Variants in CCDC88C observed in about 807,000 individuals in gnomAD.
CCDC88C encodes the protein protein Daple.
Under a neutral mutation model 198.8 loss-of-function variants are expected in CCDC88C, and 131 were observed. The observed-to-expected ratio is 0.66, with a 90% CI of 0.57 to 0.76. CCDC88C has a LOEUF of 0.76. CCDC88C is among the 30% of genes least tolerant of loss of function. CCDC88C has a pLI of 0.00. For synonymous variants in CCDC88C, 1,166 were observed against 1,114.7 expected, an observed-to-expected ratio of 1.05 and a Z score of -0.92; for missense variants, 2,553 against 2,631.6, an observed-to-expected ratio of 0.97 and a Z score of 0.65.
intron 10 of CCDC88C, among the ~76,000 whole-genome samples, chr14:91,335,538 C>T (rs1170167880): frequency 1.3e-5 from 2 of 152,162 alleles, no homozygotes. Flanking sequence ...ACCCCCTGGC[C>T]CCAGCCATGT....
rs1891233084 is a variant in CCDC88C at position 91,300,640 on chromosome 14, C to CA, written c.3636-571dup. Among the ~76,000 whole-genome samples the CA allele has an allele frequency of 2.6e-5, 4 of 152,296 alleles. No individual in the cohort carries two copies. In the South Asian group the frequency reaches 8.3e-4, roughly 32 times the overall value. On this transcript the variant is annotated intron_variant, in intron 20 of 29. Transcript: ENST00000389857. ...CCAGGGACTAGTTGTCACATACACA[C>CA]AGCAGCTCTCCTCAGGCGCCTTAGC...
Position 91,320,024 on chromosome 14 carries a change from C to CAAAAA in CCDC88C, c.1527+1091_1527+1095dup, listed in dbSNP as rs61102058. ...GGGCAACAAGAACAAAACTCAGTCT[C>CAAAAA]AAAAAAAAAAAAAAAAAAAAAAAAA... On this transcript the variant is annotated intron_variant, in intron 13 of 29. Coordinates refer to ENST00000389857, the MANE Select transcript of CCDC88C (RefSeq NM_001080414.4). Among the ~76,000 whole-genome samples, 22 of 24,164 alleles carry CAAAAA rather than the reference C, an allele frequency of 9.1e-4. 1 individual carries two copies. Among genetic ancestry groups the CAAAAA allele is most frequent in the South Asian group, 5.0e-3 (4 of 798 alleles). The allele number at this position is 24,164 out of a possible 152,430, so 15.9% of individuals were successfully genotyped here. A position where few individuals can be genotyped will look rare whatever the true frequency, so the allele number is the denominator to read the frequency against.
chr14:91,395,891 T>C (rs1031231586), intron 3 of CCDC88C, among the ~76,000 whole-genome samples: 1 of 152,148 alleles, frequency 6.6e-6, no homozygotes, highest in Admixed American at 6.5e-5. Context: ...TGACTCTTTA[T>C]CTGAAATCTC....
rs1181522306 is a variant in CCDC88C, at chr14:91,352,779, A to G, written c.340+6863T>C. On this transcript the variant is annotated intron_variant, in intron 4 of 29. Coordinates refer to ENST00000389857, the MANE Select transcript of CCDC88C (RefSeq NM_001080414.4). The surrounding 1 kb of genome is among the most constrained non-coding windows in gnomAD (Gnocchi z 4.2). ...TGAGTGGCCGACCCTCAGCCTCCAC[A>G]CCACACGGTGAGCAGGCATGGAGCC... 6.6e-6 allele frequency among the ~76,000 whole-genome samples: 1 copy of G among 152,152 alleles called. No homozygotes were observed. Among genetic ancestry groups the G allele is most frequent in the Non-Finnish European group, 1.5e-5 (1 of 68,014 alleles).
intron 25 of CCDC88C, among the ~76,000 whole-genome samples, chr14:91,285,212 G>C (rs927235006): frequency 3.3e-5 from 5 of 152,202 alleles, no homozygotes; most frequent in African/African-American, 1.2e-4. Flanking sequence ...AAAGGAAGAG[G>C]AGAAAAGGGC....
At position 91,391,584 on chromosome 14, in the gene CCDC88C, G is replaced by C. The variant is rs1409942412; in HGVS notation, c.270+17075C>G. On this transcript the variant is annotated intron_variant, in intron 3 of 29. Coordinates refer to ENST00000389857, the MANE Select transcript of CCDC88C (RefSeq NM_001080414.4). ...ACTCGAGGTCAGGAGTTTGAGACCAGCCTGGCCAACATGGTGAAACCCCGT... is the reference window on the plus strand; with the variant it reads ...ACTCGAGGTCAGGAGTTTGAGACCACCCTGGCCAACATGGTGAAACCCCGT... 3.3e-5 allele frequency among the ~76,000 whole-genome samples: 5 copies of C among 152,218 alleles called. No individual in the cohort carries two copies. The East Asian group carries it at 9.7e-4, about 29-fold the overall frequency.
chr14:91,325,450 C>T lies in CCDC88C; in HGVS notation c.1197+460G>A, dbSNP rs1473177400. 2.6e-5 allele frequency among the ~76,000 whole-genome samples: 4 copies of T among 152,304 alleles called. No individual in the cohort carries two copies. The highest frequency in any genetic ancestry group is 5.9e-5 in the Non-Finnish European group (4 of 68,024). On this transcript the variant is annotated intron_variant, in intron 11 of 29. Coordinates refer to ENST00000389857, the MANE Select transcript of CCDC88C (RefSeq NM_001080414.4). The surrounding 1 kb of genome is among the most constrained non-coding windows in gnomAD (Gnocchi z 4.1). ...CTGCTGATTTTAGCAAGCTACTCCCCGCAGTCAACAAGTCATTCGTGGTAG... is the reference window on the plus strand; with the variant it reads ...CTGCTGATTTTAGCAAGCTACTCCCTGCAGTCAACAAGTCATTCGTGGTAG...
intron 17 of CCDC88C, among the ~76,000 whole-genome samples, chr14:91,307,733 G>C (rs974849928): frequency 1.3e-5 from 2 of 152,202 alleles, no homozygotes; most frequent in Non-Finnish European, 2.9e-5. Context: ...TGCACATTGA[G>C]AGCACGTGTC....
Position 91,272,748 on chromosome 14 carries a change from C to T in CCDC88C, c.5964G>A (p.Leu1988=). ...PAKSPGRSPD[L]APHLGRALED... Reference sequence around the variant, plus strand: ...CCAGGGCCCGGCCGAGGTGGGGAGCCAAATCGGGAGACCGACCTGGGCTCT... The same window carrying T: ...CCAGGGCCCGGCCGAGGTGGGGAGCTAAATCGGGAGACCGACCTGGGCTCT... The change falls in exon 30 of 30, where the codon TTG becomes TTA. Residue 1988 remains leucine, a synonymous_variant. Transcript: ENST00000389857. 1 of 1,609,084 alleles carries T rather than the reference C, an allele frequency of 6.2e-7. No individual in the cohort carries two copies. The highest frequency in any genetic ancestry group is 8.5e-7 in the Non-Finnish European group (1 of 1,179,126).
chr14:91,334,456 C>T (rs900181918), intron 10 of CCDC88C, among the ~76,000 whole-genome samples: 3 of 152,166 alleles, frequency 2.0e-5, no homozygotes, highest in Non-Finnish European at 2.9e-5. Context: ...CCATGTTGCC[C>T]AGGCTGGTCT....
Position 91,313,370 on chromosome 14 carries a change from C to A in CCDC88C, c.2446G>T (p.Ala816Ser). 1.2e-6 allele frequency: 2 copies of A among 1,610,556 alleles called. No individual in the cohort carries two copies. Among genetic ancestry groups the A allele is most frequent in the Non-Finnish European group, 1.7e-6 (2 of 1,179,852 alleles). The change falls in exon 15 of 30, where the codon GCC (alanine) becomes TCC (serine). Residue 816 changes from alanine (A) to serine (S), a missense_variant. Ala to Ser is a moderately conservative substitution (Grantham distance 99). Around this residue, in one of 2 missense-constraint regions of CCDC88C, gnomAD observed 1,260 missense variants for 1,412.0 expected, o/e 0.89. Transcript: ENST00000389857. This position sits in a 1 kb window ranked among gnomAD's most constrained non-coding sequence, Gnocchi z 5.2. ...LRLANAQLEG[A>S]EKDRKALEQE... ...TCCAGGGCCTTCCTGTCCTTCTCGG[C>A]CCCCTCCAACTGTGCATTGGCCAGC...
intron 25 of CCDC88C, 135 bp from the exon 26 acceptor site, chr14:91,283,652 G>T: frequency 1.2e-6 from 1 of 835,336 alleles, no homozygotes; most frequent in Non-Finnish European, 1.8e-6. Flanking sequence ...CACAGCTCTC[G>T]GGCTGCAACT....
chr14:91,379,435 T>C (rs1237177418), intron 3 of CCDC88C: 1 of 189,706 alleles, frequency 5.3e-6, no homozygotes, highest in East Asian at 1.5e-4. Context: ...AGGGCTGAAA[T>C]GCAGACACTC....
At chr14:91,346,445 C>T (rs556651173) in intron 4 of CCDC88C, among the ~76,000 whole-genome samples, 103 of 151,982 alleles carry the variant, frequency 6.8e-4, no homozygotes, top group Non-Finnish European at 1.1e-3. Context: ...AGAAATTCAT[C>T]AATATTTGAA....
At position 91,279,299 on chromosome 14, in the gene CCDC88C, C is replaced by T. The variant is rs145210051; in HGVS notation, c.4707G>A (p.Arg1569=). The T allele has an allele frequency of 3.2e-3, 5,066 of 1,599,192 alleles. 13 individuals are homozygous for T. The highest frequency in any genetic ancestry group is 8.8e-3 in the Middle Eastern group (53 of 6,044). The change falls in exon 28 of 30, where the codon CGG becomes CGA. Residue 1569 remains arginine, a synonymous_variant. Coordinates refer to ENST00000389857, the MANE Select transcript of CCDC88C (RefSeq NM_001080414.4). ...EVPNHRQYVS[R]PSSLESSRNT... Reference sequence around the variant, plus strand: ...TTCTACTGCTCTCTAAGCTACTTGGCCGCGACACTGAAAGGAAATGGCAGT... The same window carrying T: ...TTCTACTGCTCTCTAAGCTACTTGGTCGCGACACTGAAAGGAAATGGCAGT...
chr14:91,389,940 C>G (rs1247197483), intron 3 of CCDC88C, among the ~76,000 whole-genome samples: 1 of 151,760 alleles, frequency 6.6e-6, no homozygotes, highest in Admixed American at 6.6e-5. Context: ...GGCGTGGTGG[C>G]GGGCGCCTGT....
chr14:91,379,932 G>A (rs1884683503), intron 3 of CCDC88C: 1 of 702,792 alleles, frequency 1.4e-6, no homozygotes, highest in African/African-American at 1.7e-5. Context: ...GGCGTTTGGG[G>A]GCTGAATACA....
In CCDC88C at chr14:91,271,993, G is replaced by A. The variant is rs1018244895; in HGVS notation, c.*632C>T. The stretch of plus-strand genomic sequence containing the variant: ...GCTCAGGAGCCAGCTGGAGGCTGGG[G>A]GCAAATGGCCAAGGCCACCGCCAGC... On this transcript the variant is annotated 3_prime_UTR_variant, in exon 30 of 30. Transcript: ENST00000389857. The A allele has an allele frequency of 6.5e-5, 10 of 152,778 alleles. No individual in the cohort carries two copies. Among genetic ancestry groups the A allele is most frequent in the Admixed American group, 5.2e-4 (8 of 15,292 alleles). 9.5% of individuals were successfully genotyped at this position (152,778 alleles called of 1,614,324 possible). A position where few individuals can be genotyped will look rare whatever the true frequency, so the allele number is the denominator to read the frequency against.
intron 18 of CCDC88C, among the ~76,000 whole-genome samples, chr14:91,306,493 C>A (rs1180390040): frequency 1.3e-5 from 2 of 152,220 alleles, no homozygotes; most frequent in Non-Finnish European, 2.9e-5. Context: ...TCTGTTTGAG[C>A]TTTATCATCG....
Sources: allele counts gnomAD v4.1 joint callset (sites outside exome capture counted in the v4.1 genomes callset), GRCh38; gene constraint gnomAD v4.1.1; regional missense constraint gnomAD v4.1.1; non-coding constraint Gnocchi (gnomAD v3.1); transcripts MANE v1.5; gene names NCBI Gene and HGNC (gene_info 2026-07-23, HGNC 2026-07-21).